The following TTBK1 variants were observed in gnomAD, a reference collection of about 807,000 sequenced individuals.
TTBK1 encodes tau-tubulin kinase 1.
Under a neutral mutation model 108.5 loss-of-function variants are expected in TTBK1, and 34 were observed. That is an observed-to-expected ratio of 0.31 (90% confidence interval 0.24 to 0.42). TTBK1 has a LOEUF of 0.42. Ranked by LOEUF, TTBK1 falls within the 10% of genes least tolerant of loss-of-function variation. The pLI, the probability that TTBK1 is intolerant of heterozygous loss-of-function variation, is 1.00. For synonymous variants in TTBK1, 809 were observed against 795.1 expected, an observed-to-expected ratio of 1.02 and a Z score of -0.29; for missense variants, 1,539 against 1,826.0, an observed-to-expected ratio of 0.84 and a Z score of 2.86.
rs1032436458 is a variant in TTBK1, at chr6:43,276,935, G to T, written c.1987-5792G>T. ...GGCAGTCTCCTTTCACTGAACGGGT[G>T]GGGAGGGAAGGGGTGAGTGGACTCT... On this transcript the variant is annotated intron_variant, in intron 13 of 14. Transcript: ENST00000259750. The surrounding 1 kb of genome is among the most constrained non-coding windows in gnomAD (Gnocchi z 5.4). Among the ~76,000 whole-genome samples the T allele has an allele frequency of 2.0e-5, 3 of 152,154 alleles. No individual in the cohort carries two copies.
At chr6:43,271,002 G>C in intron 13 of TTBK1, 4 of 985,468 alleles carry the variant, frequency 4.1e-6, no homozygotes, top group Middle Eastern at 5.2e-4. Flanking sequence ...GGACACTTGG[G>C]AGTGGGGAAG....
At chr6:43,271,432 G>A in intron 13 of TTBK1, 1 of 985,452 alleles carries the variant, frequency 1.0e-6, no homozygotes, top group Non-Finnish European at 1.2e-6. Context: ...GTATGAGTGT[G>A]TGTATGCACA....
In TTBK1 at chr6:43,263,081, G is replaced by C. The variant is rs1167108904; in HGVS notation, c.1717G>C (p.Glu573Gln). 3.8e-6 allele frequency: 6 copies of C among 1,573,900 alleles called. No individual in the cohort carries two copies. The highest frequency in any genetic ancestry group is 5.2e-6 in the Non-Finnish European group (6 of 1,159,876). ...GGGCACCACGGATGAGGAGCCCGAG[G>C]AGCTGCGGCCACTGCCCGAGGAGGG... ...TSGTTDEEPE[E>Q]LRPLPEEGEE... Residue 573 changes from glutamate to glutamine, a missense_variant, in exon 13 of 15, where the codon GAG becomes CAG. Physicochemically the swap from Glu to Gln is conservative, Grantham distance 29 (BLOSUM62 2). Around this residue, in one of 5 missense-constraint regions of TTBK1, gnomAD observed 1,055 missense variants for 1,086.5 expected, o/e 0.97. Transcript: ENST00000259750. The surrounding 1 kb of genome is among the most constrained non-coding windows in gnomAD (Gnocchi z 4.7).
chr6:43,259,432 C>G lies in TTBK1; in HGVS notation c.1249-99C>G. 1.4e-6 allele frequency: 2 copies of G among 1,394,534 alleles called. No homozygotes were observed. The highest frequency in any genetic ancestry group is 2.9e-5 in the African/African-American group (2 of 69,356). 86.4% of individuals were successfully genotyped at this position (1,394,534 alleles called of 1,614,324 possible). ...CCTCCCCGCACTAGCCTCGCTGTGTCTTCCATCATCATCATCCTCTGTCTC... is the reference window on the plus strand; with the variant it reads ...CCTCCCCGCACTAGCCTCGCTGTGTGTTCCATCATCATCATCCTCTGTCTC... On this transcript the variant is annotated intron_variant, in intron 11 of 14. Coordinates refer to ENST00000259750, the MANE Select transcript of TTBK1 (RefSeq NM_032538.3). This position sits in a 1 kb window ranked among gnomAD's most constrained non-coding sequence, Gnocchi z 6.7.
chr6:43,245,653 C>T (rs1479087400), intron 1 of TTBK1, among the ~76,000 whole-genome samples: 1 of 152,180 alleles, frequency 6.6e-6, no homozygotes, highest in Non-Finnish European at 1.5e-5. Flanking sequence ...ATGTGCCTGT[C>T]TTTCCCAACC....
At position 43,255,617 on chromosome 6, in the gene TTBK1, G is replaced by C. The variant is rs896446179; in HGVS notation, c.708G>C (p.Gln236His). ...TGCTGGTGGAGTTTGCAGTGGGCCAGCTGCCCTGGAGGAAGATCAAGGACA... is the reference window on the plus strand; with the variant it reads ...TGCTGGTGGAGTTTGCAGTGGGCCACCTGCCCTGGAGGAAGATCAAGGACA... Reference protein sequence around the residue: ...FYMLVEFAVGQLPWRKIKDKE... With the variant: ...FYMLVEFAVGHLPWRKIKDKE... The change falls in exon 8 of 15, where the codon CAG becomes CAC. Residue 236 changes from glutamine to histidine, a missense_variant. Physicochemically the swap from Gln to His is conservative, Grantham distance 24. Coordinates refer to ENST00000259750, the MANE Select transcript of TTBK1 (RefSeq NM_032538.3). 3.1e-6 allele frequency: 5 copies of C among 1,614,092 alleles called. No homozygotes were observed. The highest frequency in any genetic ancestry group is 1.3e-5 in the African/African-American group (1 of 75,038).
At position 43,259,631 on chromosome 6, in the gene TTBK1, G is replaced by A. The variant is rs375885488; in HGVS notation, c.1349G>A (p.Arg450His). 1.7e-5 allele frequency: 27 copies of A among 1,610,474 alleles called. No homozygotes were observed. Among genetic ancestry groups the A allele is most frequent in the Middle Eastern group, 3.3e-4 (2 of 6,050 alleles). Reference sequence around the variant, plus strand: ...CCCACAACCCCAGTCCGTTCTCTGCGCTACCGGAGGGTGAACAGCCCTGAG... The same window carrying A: ...CCCACAACCCCAGTCCGTTCTCTGCACTACCGGAGGGTGAACAGCCCTGAG... The part of the protein sequence containing the change: ...DSPTTPVRSL[R>H]YRRVNSPESE... The change falls in exon 12 of 15, where the codon CGC becomes CAC. Residue 450 changes from arginine (R) to histidine (H), a missense_variant. Arg to His is a conservative substitution (Grantham distance 29). This residue lies in a region of TTBK1 where 277 missense variants were observed against 332.4 expected (regional missense o/e 0.83). Coordinates refer to ENST00000259750, the MANE Select transcript of TTBK1 (RefSeq NM_032538.3). This position sits in a 1 kb window ranked among gnomAD's most constrained non-coding sequence, Gnocchi z 6.7.
rs1778408600 is a variant in TTBK1, at chr6:43,287,438, G to C, written c.*2062G>C. ...AGGACCAACAACACCCTGGTTTGGA[G>C]CTGGGAGGAAGAAGGGGGCCTGAGA... On this transcript the variant is annotated 3_prime_UTR_variant, in exon 15 of 15. Coordinates refer to ENST00000259750, the MANE Select transcript of TTBK1 (RefSeq NM_032538.3). This position sits in a 1 kb window ranked among gnomAD's most constrained non-coding sequence, Gnocchi z 4.1. 1 of 152,726 alleles carries C rather than the reference G, an allele frequency of 6.5e-6. No homozygotes were observed. Among genetic ancestry groups the C allele is most frequent in the Non-Finnish European group, 1.5e-5 (1 of 68,166 alleles). 9.5% of individuals were successfully genotyped at this position (152,726 alleles called of 1,614,324 possible).
chr6:43,286,481 G>A lies in TTBK1; in HGVS notation c.*1105G>A, dbSNP rs1778386077. The A allele has an allele frequency of 6.6e-6, 1 of 152,598 alleles. No individual in the cohort carries two copies. Among genetic ancestry groups the A allele is most frequent in the African/African-American group, 2.4e-5 (1 of 41,438 alleles). The allele number at this position is 152,598 out of a possible 1,614,324, so 9.5% of individuals were successfully genotyped here. A position where few individuals can be genotyped will look rare whatever the true frequency, so the allele number is the denominator to read the frequency against. On this transcript the variant is annotated 3_prime_UTR_variant, in exon 15 of 15. Transcript: ENST00000259750. The surrounding 1 kb of genome is among the most constrained non-coding windows in gnomAD (Gnocchi z 4.6). ...TCACCCTCCCTGTCCTCCCGCCTGT[G>A]GGAGGGAGGGAGGGCTGGCTCAGGC...
At chr6:43,251,701 G>C (rs907169599) in intron 2 of TTBK1, among the ~76,000 whole-genome samples, 2 of 152,178 alleles carry the variant, frequency 1.3e-5, no homozygotes, top group East Asian at 1.9e-4. Context: ...GAGGCTGGAG[G>C]GGGGAGACGA....
In TTBK1 at chr6:43,259,570, G is replaced by T; in HGVS notation, c.1288G>T (p.Val430Phe). Reference protein sequence around the residue: ...VEEEQSRGMGVPSSPVRAPPD... With the variant: ...VEEEQSRGMGFPSSPVRAPPD... Reference sequence around the variant, plus strand: ...GGAGGAACAGAGCCGAGGCATGGGGGTCCCCAGCTCCCCAGTGCGTGCCCC... The same window carrying T: ...GGAGGAACAGAGCCGAGGCATGGGGTTCCCCAGCTCCCCAGTGCGTGCCCC... Residue 430 changes from valine (V) to phenylalanine (F), a missense_variant, in exon 12 of 15, where the codon GTC becomes TTC. This residue lies in a region of TTBK1 where 277 missense variants were observed against 332.4 expected (regional missense o/e 0.83). Transcript: ENST00000259750. The surrounding 1 kb of genome is among the most constrained non-coding windows in gnomAD (Gnocchi z 6.7). 6.2e-7 allele frequency: 1 copy of T among 1,605,490 alleles called. No individual in the cohort carries two copies.
rs189524747 is a variant in TTBK1 at position 43,256,328 on chromosome 6, G to T, written c.861+472G>T. Among the ~76,000 whole-genome samples the T allele has an allele frequency of 1.1e-4, 16 of 152,104 alleles. No individual in the cohort carries two copies. The East Asian group carries it at 3.1e-3, about 30-fold the overall frequency. ...TTTGTGTATTTTTATTTGAGATGGG[G>T]TTTCACCATGTTGGCCAGGTGAACT... On this transcript the variant is annotated intron_variant, in intron 9 of 14. Coordinates refer to ENST00000259750, the MANE Select transcript of TTBK1 (RefSeq NM_032538.3).
Position 43,255,034 on chromosome 6 carries a change from G to A in TTBK1, c.577-15G>A. On this transcript the variant is annotated splice_polypyrimidine_tract_variant and intron_variant, in intron 6 of 14. Transcript: ENST00000259750. ...GGCATGGTGGGTGACGTTCTTGGTG[G>A]TCTCCCTTCTGCAGCCTCGGAATGT... 6.2e-7 allele frequency: 1 copy of A among 1,613,598 alleles called. No individual in the cohort carries two copies. The highest frequency in any genetic ancestry group is 8.5e-7 in the Non-Finnish European group (1 of 1,179,766).
chr6:43,275,922 GT>G (rs1777972826), intron 13 of TTBK1, among the ~76,000 whole-genome samples: 1 of 152,144 alleles, frequency 6.6e-6, no homozygotes, highest in African/African-American at 2.4e-5. Context: ...GGCCCTCAGA[GT>G]TCTCAGTGTC....
Position 43,259,791 on chromosome 6 carries a change from G to A in TTBK1, c.1424+85G>A. The A allele has an allele frequency of 1.5e-6, 2 of 1,349,176 alleles. No homozygotes were observed. The highest frequency in any genetic ancestry group is 2.7e-5 in the East Asian group (1 of 37,462). The allele number at this position is 1,349,176 out of a possible 1,614,324, so 83.6% of individuals were successfully genotyped here. ...GGTCTGGAGGAAAAGTTAGATGTGT[G>A]GCGGAGGTGGGCAGACCCTGGGAAG... On this transcript the variant is annotated intron_variant, in intron 12 of 14. Coordinates refer to ENST00000259750, the MANE Select transcript of TTBK1 (RefSeq NM_032538.3). This position sits in a 1 kb window ranked among gnomAD's most constrained non-coding sequence, Gnocchi z 6.7.
chr6:43,266,130 GT>G (rs1480889943), intron 13 of TTBK1, among the ~76,000 whole-genome samples: 9 of 152,198 alleles, frequency 5.9e-5, no homozygotes, highest in Admixed American at 5.9e-4. Context: ...TGGGCCTCGG[GT>G]TCCCCACAGT....
In TTBK1 at chr6:43,259,406, C is replaced by A; in HGVS notation, c.1249-125C>A. 1 of 1,303,236 alleles carries A rather than the reference C, an allele frequency of 7.7e-7. No homozygotes were observed. Among genetic ancestry groups the A allele is most frequent in the South Asian group, 1.5e-5 (1 of 66,450 alleles). The allele number at this position is 1,303,236 out of a possible 1,614,324, so 80.7% of individuals were successfully genotyped here. ...GCTTGCCCTGCCTCTGTTTCCCGGT[C>A]CCTCCCCGCACTAGCCTCGCTGTGT... On this transcript the variant is annotated intron_variant, in intron 11 of 14. Coordinates refer to ENST00000259750, the MANE Select transcript of TTBK1 (RefSeq NM_032538.3). This position sits in a 1 kb window ranked among gnomAD's most constrained non-coding sequence, Gnocchi z 6.7.
intron 9 of TTBK1, 55 bp downstream of exon 9, chr6:43,255,911 TC>T: frequency 1.2e-6 from 2 of 1,608,634 alleles, no homozygotes. Flanking sequence ...TGAGTGACTG[TC>T]CCCCAGCAGA....
Position 43,257,185 on chromosome 6 carries a change from C to T in TTBK1, c.862-627C>T, listed in dbSNP as rs1777404728. On this transcript the variant is annotated intron_variant, in intron 9 of 14. Transcript: ENST00000259750. The surrounding 1 kb of genome is among the most constrained non-coding windows in gnomAD (Gnocchi z 4.5). ...CCTCAGAGGGTCTATAGCTGTCTGC[C>T]ACCTCCTGAACCCAGGGCCTGGCAG... is the stretch of plus-strand genomic sequence containing the variant. Among the ~76,000 whole-genome samples, 1 of 152,202 alleles carries T rather than the reference C, an allele frequency of 6.6e-6. No individual in the cohort carries two copies. Among genetic ancestry groups the T allele is most frequent in the Admixed American group, 6.5e-5 (1 of 15,276 alleles).
Sources: allele counts gnomAD v4.1 joint callset (sites outside exome capture counted in the v4.1 genomes callset), GRCh38; gene constraint gnomAD v4.1.1; regional missense constraint gnomAD v4.1.1; non-coding constraint Gnocchi (gnomAD v3.1); transcripts MANE v1.5; gene names NCBI Gene and HGNC (gene_info 2026-07-23, HGNC 2026-07-21).